Variants in TTLL11 observed in about 807,000 individuals in gnomAD.
The protein encoded by TTLL11 is tubulin tyrosine ligase like 11.
In TTLL11, 42 loss-of-function variants were observed where a neutral mutation model predicts 51.7. That is an observed-to-expected ratio of 0.81 (90% CI 0.64 to 1.05). The LOEUF (loss-of-function observed/expected upper bound fraction) is 1.05, where lower values mean the gene tolerates loss of function less well. TTLL11 is among the 50% of genes least tolerant of loss of function. The pLI, the probability that TTLL11 is intolerant of heterozygous loss-of-function variation, is 0.00. For synonymous variants in TTLL11, 381 were observed against 383.5 expected, an observed-to-expected ratio of 0.99 and a Z score of 0.08; for missense variants, 799 against 940.4, an observed-to-expected ratio of 0.85 and a Z score of 1.97.
chr9:121,954,306 C>T (rs1841952752), intron 6 of TTLL11, among the ~76,000 whole-genome samples: 1 of 152,134 alleles, frequency 6.6e-6, no homozygotes, highest in Non-Finnish European at 1.5e-5. Context: ...TGGAAGGGTG[C>T]TAAGATTCAA....
At chr9:121,990,389 T>C (rs1191986590) in intron 3 of TTLL11, among the ~76,000 whole-genome samples, 1 of 152,168 alleles carries the variant, frequency 6.6e-6, no homozygotes, top group Non-Finnish European at 1.5e-5. Flanking sequence ...AATGCAATCA[T>C]AAATGCAAGA....
rs922971427 is a variant in TTLL11 at position 121,931,601 on chromosome 9, A to AGAAAAG, written c.1481+42407_1481+42408insCTTTTC. On this transcript the variant is annotated intron_variant, in intron 6 of 8. Coordinates refer to ENST00000321582, the MANE Select transcript of TTLL11 (RefSeq NM_001139442.2). ...CTACTATTTAAAAAAAAAAAAAAAA[A>AGAAAAG]AAAAGAAAAGAAAAGAAAGAAATAT... 2.7e-5 allele frequency among the ~76,000 whole-genome samples: 4 copies of AGAAAAG among 146,374 alleles called. No individual in the cohort carries two copies. In the East Asian group the frequency reaches 6.0e-4, roughly 22 times the overall value.
In TTLL11 at chr9:121,926,040, C is replaced by T. The variant is rs1588129643; in HGVS notation, c.1481+47969G>A. ...TTCCTCTCAAAAAGATACCAGTTTACGCGTGTGAAGGCTCGCAGGTTATTG... is the reference window on the plus strand; with the variant it reads ...TTCCTCTCAAAAAGATACCAGTTTATGCGTGTGAAGGCTCGCAGGTTATTG... On this transcript the variant is annotated intron_variant, in intron 6 of 8. Coordinates refer to ENST00000321582, the MANE Select transcript of TTLL11 (RefSeq NM_001139442.2). 3.9e-5 allele frequency among the ~76,000 whole-genome samples: 6 copies of T among 152,314 alleles called. No homozygotes were observed. The South Asian group carries it at 6.2e-4, about 16-fold the overall frequency.
chr9:121,855,679 C>T (rs1013740839), intron 8 of TTLL11, among the ~76,000 whole-genome samples: 4 of 152,196 alleles, frequency 2.6e-5, no homozygotes, highest in Non-Finnish European at 4.4e-5. Context: ...AAGAGACCAC[C>T]TCTACTCTGA....
At chr9:121,909,124 G>A (rs4357368) in intron 6 of TTLL11, among the ~76,000 whole-genome samples, 143,596 of 152,296 alleles carry the variant, frequency 0.94, 67,870 homozygotes, top group East Asian at 1. Flanking sequence ...AATCCATAAC[G>A]GTCAACTTAT....
At chr9:122,020,559 C>T (rs1321765257) in intron 3 of TTLL11, among the ~76,000 whole-genome samples, 1 of 152,202 alleles carries the variant, frequency 6.6e-6, no homozygotes, top group Non-Finnish European at 1.5e-5. Context: ...AAGAATCCTG[C>T]GAGGGTTGCT....
intron 4 of TTLL11, among the ~76,000 whole-genome samples, chr9:121,988,332 C>T (rs1163854655): frequency 3.3e-5 from 5 of 152,032 alleles, no homozygotes; most frequent in Non-Finnish European, 5.9e-5. Flanking sequence ...TGCATCTTTC[C>T]CCTGCTTAAA....
At chr9:122,003,774 C>T (rs1371235307) in intron 3 of TTLL11, among the ~76,000 whole-genome samples, 1 of 151,040 alleles carries the variant, frequency 6.6e-6, no homozygotes, top group Admixed American at 6.6e-5. Context: ...CATGAGCCAC[C>T]GCACCCAGCT....
At chr9:121,850,964 G>C (rs927035177) in intron 8 of TTLL11, among the ~76,000 whole-genome samples, 6 of 152,170 alleles carry the variant, frequency 3.9e-5, no homozygotes, top group Admixed American at 3.9e-4. Flanking sequence ...TCAGTGAATA[G>C]ACGAACAAAC....
At chr9:122,070,893 C>T (rs1387229272) in intron 1 of TTLL11, among the ~76,000 whole-genome samples, 1 of 152,144 alleles carries the variant, frequency 6.6e-6, no homozygotes, top group East Asian at 1.9e-4. Context: ...AAAGCAATCA[C>T]TGCTTGTCTT....
chr9:122,045,762 G>A (rs1844984601), intron 1 of TTLL11, among the ~76,000 whole-genome samples: 1 of 152,304 alleles, frequency 6.6e-6, no homozygotes, highest in Non-Finnish European at 1.5e-5. Flanking sequence ...GATGTACCTT[G>A]AAGATGTGAT....
intron 3 of TTLL11, among the ~76,000 whole-genome samples, chr9:122,004,679 T>C (rs966840997): frequency 6.6e-5 from 10 of 152,188 alleles, no homozygotes; most frequent in Admixed American, 6.5e-4. Context: ...AGCGATTATT[T>C]GAGTTTGATA....
At chr9:121,991,161 G>A (rs944687420) in intron 3 of TTLL11, among the ~76,000 whole-genome samples, 1 of 152,224 alleles carries the variant, frequency 6.6e-6, no homozygotes, top group Non-Finnish European at 1.5e-5. Flanking sequence ...CACCTTTGCT[G>A]TGTAAGCCCA....
chr9:121,988,659 G>A (rs1444716543), intron 4 of TTLL11, among the ~76,000 whole-genome samples: 1 of 152,184 alleles, frequency 6.6e-6, no homozygotes, highest in African/African-American at 2.4e-5. Flanking sequence ...CCCAGAGAAT[G>A]TTACGTGGCC....
intron 6 of TTLL11, among the ~76,000 whole-genome samples, chr9:121,892,125 TC>T (rs1292903032): frequency 8.7e-6 from 1 of 115,060 alleles, no homozygotes; most frequent in African/African-American, 3.1e-5. Flanking sequence ...AAAGTCTCCT[TC>T]TACCTTTATA....
chr9:122,030,127 T>C (rs537334922), intron 3 of TTLL11, among the ~76,000 whole-genome samples: 6 of 143,046 alleles, frequency 4.2e-5, no homozygotes, highest in Non-Finnish European at 9.0e-5. Context: ...ATGACTGTAG[T>C]TGGATGCAAA....
At chr9:121,879,975 A>C (rs187378079) in intron 6 of TTLL11, among the ~76,000 whole-genome samples, 1 of 152,304 alleles carries the variant, frequency 6.6e-6, no homozygotes, top group East Asian at 1.9e-4. Context: ...TAAAAAAAGA[A>C]AAAGAAAAGA....
At chr9:122,022,210 T>C (rs1844202668) in intron 3 of TTLL11, among the ~76,000 whole-genome samples, 1 of 152,018 alleles carries the variant, frequency 6.6e-6, no homozygotes, top group African/African-American at 2.4e-5. Context: ...AAAAAAAATC[T>C]GAAGAAATAA....
intron 4 of TTLL11, among the ~76,000 whole-genome samples, chr9:121,984,215 T>C (rs969980794): frequency 5.9e-5 from 9 of 152,146 alleles, no homozygotes; most frequent in Non-Finnish European, 1.3e-4. Context: ...TTTCAAACTA[T>C]ACTCCTTGGA....
Sources: gnomAD v4.1 joint callset for allele counts (sites outside exome capture counted in the v4.1 genomes callset) on GRCh38, gnomAD v4.1.1 for gene constraint, MANE v1.5 for transcripts, NCBI Gene and HGNC (gene_info 2026-07-23, HGNC 2026-07-21) for gene names.